GPRC6A: variants seen among roughly 807,000 people sequenced by gnomAD.
GPRC6A encodes G protein-coupled receptor class C group 6 member A.
Under a neutral mutation model 47.0 loss-of-function variants are expected in GPRC6A, and 54 were observed. The observed-to-expected ratio is 1.15, with a 90% confidence interval of 0.92 to 1.44. The LOEUF (loss-of-function observed/expected upper bound fraction) is 1.44, where lower values mean the gene tolerates loss of function less well. GPRC6A is among the 40% of genes most tolerant of loss of function. The pLI is 0.00. For missense variants in GPRC6A, 1,112 were observed against 1,105.5 expected, an observed-to-expected ratio of 1.01 and a Z score of -0.08; for synonymous variants, 347 against 377.1, an observed-to-expected ratio of 0.92 and a Z score of 0.93.
rs1562476217 is a variant in GPRC6A at position 116,792,200 on chromosome 6, C to A, written c.2723G>T (p.Arg908Met). The A allele has an allele frequency of 1.2e-6, 2 of 1,613,926 alleles. No individual in the cohort carries two copies. Among genetic ancestry groups the A allele is most frequent in the South Asian group, 2.2e-5 (2 of 91,076 alleles). The change falls in exon 6 of 6, where the codon AGG becomes ATG. Residue 908 changes from arginine to methionine, a missense_variant. By Grantham distance (91) the Arg-to-Met change is moderately conservative. Transcript: ENST00000310357. ...LQAQAFAHIC[R>M]ENATSVSKTL... Reference sequence around the variant, plus strand: ...TTTAGATACACTTGTGGCATTTTCCCTGCATATGTGTGCAAATGCTTGTGC... The same window carrying A: ...TTTAGATACACTTGTGGCATTTTCCATGCATATGTGTGCAAATGCTTGTGC...
intron 1 of GPRC6A, among the ~76,000 whole-genome samples, chr6:116,822,891 TAAAA>T (rs757893318): frequency 1.7e-5 from 2 of 117,504 alleles, no homozygotes; most frequent in Non-Finnish European, 3.5e-5. Flanking sequence ...TACTAGTCTC[TAAAA>T]AAAAAAAAAA....
At chr6:116,802,336 T>C (rs1254874801) in intron 3 of GPRC6A, among the ~76,000 whole-genome samples, 1 of 152,152 alleles carries the variant, frequency 6.6e-6, no homozygotes, top group Non-Finnish European at 1.5e-5. Context: ...AACTGCTTTT[T>C]CATATCATTT....
chr6:116,797,830 G>A (rs921953853), intron 4 of GPRC6A, among the ~76,000 whole-genome samples: 1 of 152,208 alleles, frequency 6.6e-6, no homozygotes, highest in Non-Finnish European at 1.5e-5. Flanking sequence ...TAGTTGTGAG[G>A]ATAATGGTAA....
rs1562481925 is a variant in GPRC6A at position 116,806,745 on chromosome 6, A to C, written c.960T>G (p.Ile320Met). 1 of 1,613,646 alleles carries C rather than the reference A, an allele frequency of 6.2e-7. No individual in the cohort carries two copies. Among genetic ancestry groups the C allele is most frequent in the South Asian group, 1.1e-5 (1 of 91,068 alleles). The change falls in exon 3 of 6, where the codon ATT becomes ATG. Residue 320 changes from isoleucine (I) to methionine (M), a missense_variant. Physicochemically the swap from Ile to Met is conservative, Grantham distance 10. Transcript: ENST00000310357. The part of the protein sequence containing the change: ...KITTIPNVKK[I>M]GKVVGFAFRR... ...TAAAGGCAAACCCTACAACTTTGCC[A>C]ATCTTTTTAACATTAGGAATGGTGG...
intron 3 of GPRC6A, among the ~76,000 whole-genome samples, chr6:116,804,242 C>T (rs536549167): frequency 5.9e-5 from 9 of 152,142 alleles, no homozygotes; most frequent in East Asian, 1.9e-4. Flanking sequence ...AAAACAAGCA[C>T]GACTGTGGTG....
At chr6:116,804,621 A>T (rs1199241634) in intron 3 of GPRC6A, among the ~76,000 whole-genome samples, 1 of 152,008 alleles carries the variant, frequency 6.6e-6, no homozygotes, top group East Asian at 1.9e-4. Flanking sequence ...TTGTTTCTAG[A>T]TTAACAGGCT....
chr6:116,795,566 G>T, intron 5 of GPRC6A, 146 bp downstream of exon 5: 1 of 581,168 alleles, frequency 1.7e-6, no homozygotes, highest in South Asian at 4.0e-5. Flanking sequence ...AAGATAAAAT[G>T]AAATTTCACT....
At chr6:116,805,979 T>TC (rs1562481494) in intron 3 of GPRC6A, among the ~76,000 whole-genome samples, 1 of 152,086 alleles carries the variant, frequency 6.6e-6, no homozygotes, top group African/African-American at 2.4e-5. Flanking sequence ...TTTCTGGTAC[T>TC]CCCCAGCTTT....
At chr6:116,800,276 C>CCCTT in intron 4 of GPRC6A, among the ~76,000 whole-genome samples, 1 of 124,696 alleles carries the variant, frequency 8.0e-6, no homozygotes, top group Non-Finnish European at 1.7e-5. Flanking sequence ...CTCCCTCCCT[C>CCCTT]CCTCCCTTCC....
intron 3 of GPRC6A, among the ~76,000 whole-genome samples, chr6:116,801,190 T>A (rs1045741733): frequency 1.3e-5 from 2 of 152,200 alleles, no homozygotes; most frequent in Non-Finnish European, 1.5e-5. Context: ...TTCTTAAGTT[T>A]GTTTCAATGA....
intron 1 of GPRC6A, among the ~76,000 whole-genome samples, chr6:116,820,104 C>T (rs1214511758): frequency 6.7e-6 from 1 of 149,148 alleles, no homozygotes; most frequent in Non-Finnish European, 1.5e-5. Flanking sequence ...ACTAGAAAAT[C>T]TAGAAGAAAT....
At chr6:116,795,352 A>ATT (rs944203607) in intron 5 of GPRC6A, among the ~76,000 whole-genome samples, 17 of 151,970 alleles carry the variant, frequency 1.1e-4, no homozygotes, top group African/African-American at 4.1e-4. Flanking sequence ...ACTTATTTGT[A>ATT]TTTTTTTTGT....
intron 1 of GPRC6A, among the ~76,000 whole-genome samples, chr6:116,814,403 A>G (rs1211652093): frequency 1.3e-5 from 2 of 152,192 alleles, no homozygotes; most frequent in African/African-American, 4.8e-5. Context: ...GCACATATAC[A>G]CCATGGAGTA....
intron 1 of GPRC6A, among the ~76,000 whole-genome samples, chr6:116,817,739 A>C (rs1269474637): frequency 6.6e-6 from 1 of 152,218 alleles, no homozygotes; most frequent in Non-Finnish European, 1.5e-5. Context: ...AGAATGCAGA[A>C]GCCTCAGGAG....
At chr6:116,802,508 T>G (rs1277361820) in intron 3 of GPRC6A, among the ~76,000 whole-genome samples, 1 of 152,076 alleles carries the variant, frequency 6.6e-6, no homozygotes, top group Non-Finnish European at 1.5e-5. Flanking sequence ...AGTGATATGG[T>G]TGATATTGTT....
intron 3 of GPRC6A, among the ~76,000 whole-genome samples, chr6:116,805,989 T>C (rs1772823649): frequency 6.6e-6 from 1 of 152,116 alleles, no homozygotes; most frequent in Admixed American, 6.6e-5. Context: ...TCCCCAGCTT[T>C]AGTTTCCTCA....
chr6:116,818,031 C>A (rs563794914), intron 1 of GPRC6A, among the ~76,000 whole-genome samples: 6 of 152,026 alleles, frequency 3.9e-5, no homozygotes, highest in African/African-American at 1.4e-4. Context: ...ATACAGAGAA[C>A]GCCACAAAGA....
At chr6:116,824,306 T>G (rs1562116554) in intron 1 of GPRC6A, among the ~76,000 whole-genome samples, 1 of 151,570 alleles carries the variant, frequency 6.6e-6, no homozygotes, top group Non-Finnish European at 1.5e-5. Flanking sequence ...AAATGAAAAG[T>G]TGATTCTTCA....
intron 1 of GPRC6A, among the ~76,000 whole-genome samples, chr6:116,815,292 G>A (rs1423309404): frequency 6.6e-6 from 1 of 152,096 alleles, no homozygotes; most frequent in African/African-American, 2.4e-5. Context: ...AGAGCAGCCT[G>A]GCCAACATGA....
Sources: gnomAD v4.1 joint callset for allele counts (sites outside exome capture counted in the v4.1 genomes callset) on GRCh38, gnomAD v4.1.1 for gene constraint, MANE v1.5 for transcripts, NCBI Gene and HGNC (gene_info 2026-07-23, HGNC 2026-07-21) for gene names.